FGF14: variants seen among roughly 807,000 people sequenced by gnomAD.
FGF14 encodes fibroblast growth factor 14, also known as fibroblast growth factor homologous factor 4.
FGF14 carries 5 observed loss-of-function variants against 25.5 expected under a neutral mutation model. The observed-to-expected ratio is 0.20, with a 90% CI of 0.10 to 0.41. FGF14 has a LOEUF of 0.41. FGF14 is among the 10% of genes least tolerant of loss of function. The probability of loss-of-function intolerance (pLI) is 1.00; values close to 1 mark genes in which losing one functional copy is unlikely to be tolerated. For missense variants in FGF14, 222 were observed against 320.1 expected, an observed-to-expected ratio of 0.69 and a Z score of 2.34; for synonymous variants, 138 against 118.3, an observed-to-expected ratio of 1.17 and a Z score of -1.08.
chr13:101,853,542 T>G (rs903852013), intron 3 of FGF14, among the ~76,000 whole-genome samples: 2 of 152,022 alleles, frequency 1.3e-5, no homozygotes, highest in African/African-American at 2.4e-5. Flanking sequence ...CACCTCCAAG[T>G]GCTGTGCTCC....
At chr13:101,830,994 G>A (rs566003247) in intron 3 of FGF14, among the ~76,000 whole-genome samples, 2 of 151,986 alleles carry the variant, frequency 1.3e-5, no homozygotes, top group East Asian at 3.9e-4. Flanking sequence ...GATTATATCT[G>A]GTCCACCTGC....
chr13:101,994,677 A>AGGAACTT (rs568033594), intron 1 of FGF14, among the ~76,000 whole-genome samples: 130 of 152,206 alleles, frequency 8.5e-4, no homozygotes, highest in African/African-American at 2.9e-3. Context: ...TGAGATTTAT[A>AGGAACTT]GGAACTTCAG....
intron 1 of FGF14, among the ~76,000 whole-genome samples, chr13:101,948,878 A>G (rs1256339457): frequency 6.6e-6 from 1 of 152,190 alleles, no homozygotes; most frequent in Non-Finnish European, 1.5e-5. Context: ...ATCTTCCTGC[A>G]ATTTTGCAAA....
intron 3 of FGF14, among the ~76,000 whole-genome samples, chr13:101,738,084 G>C (rs1480677577): frequency 6.6e-6 from 1 of 151,968 alleles, no homozygotes; most frequent in Non-Finnish European, 1.5e-5. Flanking sequence ...GACTATTCTT[G>C]TATACTAAAT....
intron 3 of FGF14, among the ~76,000 whole-genome samples, chr13:101,788,863 C>T (rs2040005225): frequency 1.3e-5 from 1 of 78,300 alleles, no homozygotes; most frequent in East Asian, 3.9e-4. Flanking sequence ...TTATTTGTGC[C>T]TTTTTTGACT....
At chr13:101,929,640 G>A (rs1241129315) in intron 1 of FGF14, among the ~76,000 whole-genome samples, 1 of 152,138 alleles carries the variant, frequency 6.6e-6, no homozygotes, top group African/African-American at 2.4e-5. Flanking sequence ...CTCTTCCCAT[G>A]CTTTTCTATT....
At chr13:101,918,608 G>A (rs527237578), upstream of FGF14, among the ~76,000 whole-genome samples, 4 of 152,296 alleles carry the variant, frequency 2.6e-5, no homozygotes, top group African/African-American at 9.6e-5. Flanking sequence ...AGGCAACTGG[G>A]GGGAAGTGCA....
At chr13:102,302,171 T>C (rs1343483823) in intron 1 of FGF14, among the ~76,000 whole-genome samples, 1 of 152,192 alleles carries the variant, frequency 6.6e-6, no homozygotes. Flanking sequence ...TAAAATACTA[T>C]ATCTAGCATA....
chr13:102,383,642 G>C (rs2058236687), intron 1 of FGF14, among the ~76,000 whole-genome samples: 2 of 152,032 alleles, frequency 1.3e-5, no homozygotes. Context: ...GGGAATGGGA[G>C]AAAAAAGGGG....
intron 1 of FGF14, among the ~76,000 whole-genome samples, chr13:102,019,371 C>G (rs931737314): frequency 6.6e-6 from 1 of 152,118 alleles, no homozygotes. Flanking sequence ...TGTCTACCCA[C>G]CTGCCTCCCT....
chr13:102,278,853 A>G (rs187381355), intron 1 of FGF14, among the ~76,000 whole-genome samples: 1 of 152,286 alleles, frequency 6.6e-6, no homozygotes, highest in African/African-American at 2.4e-5. Context: ...ATGATGAAGT[A>G]TAAACACAGA....
At chr13:101,723,136 CACAGAGG>C in intron 4 of FGF14, 169 bp from the exon 5 acceptor site, 1 of 759,348 alleles carries the variant, frequency 1.3e-6, no homozygotes, top group Non-Finnish European at 2.3e-6. Context: ...ATTTCCAGCC[CACAGAGG>C]ACATTACTCC....
chr13:102,031,000 T>C (rs1359605172), intron 1 of FGF14, among the ~76,000 whole-genome samples: 1 of 152,110 alleles, frequency 6.6e-6, no homozygotes, highest in Non-Finnish European at 1.5e-5. Context: ...CACAGGATGT[T>C]TGGCAACAGC....
chr13:102,186,177 T>C lies in FGF14; in HGVS notation c.208+215294A>G, dbSNP rs187672460. On this transcript the variant is annotated intron_variant, in intron 1 of 4. Coordinates refer to the FGF14 transcript ENST00000376131. Reference sequence around the variant, plus strand: ...ACAAAACAGAAAGCAGCTACTCTAATAATAAATGGAATATTGCCACTTATA... The same window carrying C: ...ACAAAACAGAAAGCAGCTACTCTAACAATAAATGGAATATTGCCACTTATA... Among the ~76,000 whole-genome samples, 43 of 152,248 alleles carry C rather than the reference T, an allele frequency of 2.8e-4. 2 individuals are homozygous for C. The East Asian group carries it at 8.3e-3, about 29-fold the overall frequency.
chr13:102,389,096 A>G (rs2058373028), intron 1 of FGF14, among the ~76,000 whole-genome samples: 1 of 152,074 alleles, frequency 6.6e-6, no homozygotes, highest in Non-Finnish European at 1.5e-5. Flanking sequence ...ATGCTTCTCT[A>G]AAAGATTTCC....
At chr13:101,747,623 A>C (rs1007948609) in intron 3 of FGF14, among the ~76,000 whole-genome samples, 2 of 152,052 alleles carry the variant, frequency 1.3e-5, no homozygotes, top group African/African-American at 4.8e-5. Flanking sequence ...ATCATCATTA[A>C]AATAAAAATG....
Position 102,301,867 on chromosome 13 carries a change from C to CACA in FGF14, c.208+99603_208+99604insTGT, listed in dbSNP as rs1555397356. 2.0e-5 allele frequency among the ~76,000 whole-genome samples: 3 copies of CACA among 148,100 alleles called. 1 individual carries two copies. On this transcript the variant is annotated intron_variant, in intron 1 of 4. Coordinates refer to the FGF14 transcript ENST00000376131. ...ACACACACACACACACACACACACA[C>CACA]TTTACTCTCAGATAATGGTTTTACT...
intron 1 of FGF14, among the ~76,000 whole-genome samples, chr13:102,067,675 A>C (rs577960447): frequency 7.3e-5 from 11 of 150,882 alleles, no homozygotes; most frequent in Non-Finnish European, 1.0e-4. Flanking sequence ...CAAAAAGGCA[A>C]ATCTAGTACT....
At position 101,812,995 on chromosome 13, in the gene FGF14, C is replaced by T. The variant is rs561510472; in HGVS notation, c.408+55730G>A. On this transcript the variant is annotated intron_variant, in intron 3 of 4. Coordinates refer to ENST00000376143, the MANE Select transcript of FGF14 (RefSeq NM_004115.4). The stretch of plus-strand genomic sequence containing the variant: ...ACTCTCTTTCAATATAATTGCTTTC[C>T]TTAGCAATCCTATACTTTTGTGCAT... 6.6e-5 allele frequency among the ~76,000 whole-genome samples: 10 copies of T among 152,188 alleles called. No homozygotes were observed. The South Asian group carries it at 2.1e-3, about 32-fold the overall frequency.
Sources: allele counts gnomAD v4.1 joint callset (sites outside exome capture counted in the v4.1 genomes callset), GRCh38; gene constraint gnomAD v4.1.1; transcripts MANE v1.5; gene names NCBI Gene and HGNC (gene_info 2026-07-23, HGNC 2026-07-21).